The following VOPP1 variants were observed in gnomAD, a reference collection of about 807,000 sequenced individuals.
The protein encoded by VOPP1 is WW domain binding protein VOPP1.
VOPP1 carries 8 observed loss-of-function variants against 23.5 expected under a neutral mutation model. That is an observed-to-expected ratio of 0.34 (90% confidence interval 0.20 to 0.61). The LOEUF (loss-of-function observed/expected upper bound fraction) is 0.61. VOPP1 is among the 20% of genes least tolerant of loss of function. The pLI is 0.78. For missense variants in VOPP1, 174 were observed against 238.1 expected (o/e 0.73, Z 1.77); for synonymous variants, 83 against 97.3 (o/e 0.85, Z 0.86).
At position 55,494,748 on chromosome 7, in the gene VOPP1, T is replaced by C. The variant is rs543583803; in HGVS notation, c.192-2330A>G. ...CACCTTGGCCTCCCAAAGTGCACCA[T>C]TGTGCTAGGCCAAGAACTTATTTTA... is the stretch of plus-strand genomic sequence containing the variant. On this transcript the variant is annotated intron_variant, in intron 3 of 4. Coordinates refer to ENST00000285279, the MANE Select transcript of VOPP1 (RefSeq NM_030796.5). Among the ~76,000 whole-genome samples, 12 of 152,278 alleles carry C rather than the reference T, an allele frequency of 7.9e-5. No homozygotes were observed. The South Asian group carries it at 1.5e-3, about 18-fold the overall frequency.
intron 1 of VOPP1, chr7:55,521,766 G>A: frequency 1.0e-6 from 1 of 985,868 alleles, no homozygotes; most frequent in Non-Finnish European, 1.2e-6. Context: ...GGGTGGGTGA[G>A]TGCACACAGG....
chr7:55,438,613 G>A (rs937139026), intron 4 of VOPP1, among the ~76,000 whole-genome samples: 1 of 152,182 alleles, frequency 6.6e-6, no homozygotes, highest in African/African-American at 2.4e-5. Flanking sequence ...AAAGGCCCCG[G>A]GGAAGCACTT....
In VOPP1 at chr7:55,442,831, A is replaced by C. The variant is rs565382635; in HGVS notation, n.418-6657T>G. Among the ~76,000 whole-genome samples, 9 of 152,286 alleles carry C rather than the reference A, an allele frequency of 5.9e-5. No homozygotes were observed. The South Asian group carries it at 1.9e-3, about 32-fold the overall frequency. ...GACACGGTTTCTTTGGAAAATAAAA[A>C]GCAGGCCGGGTGCGGTGGCTCATGC... On this transcript the variant is annotated intron_variant and non_coding_transcript_variant, in intron 4 of 4. Coordinates refer to the VOPP1 transcript ENST00000462326.
At chr7:55,452,537 T>A (rs1791269341) in intron 4 of VOPP1, among the ~76,000 whole-genome samples, 1 of 152,236 alleles carries the variant, frequency 6.6e-6, no homozygotes, top group Admixed American at 6.5e-5. Flanking sequence ...GAGGAATCAC[T>A]ATCTATGACA....
chr7:55,544,724 T>A (rs1380295963), intron 1 of VOPP1, among the ~76,000 whole-genome samples: 1 of 152,082 alleles, frequency 6.6e-6, no homozygotes, highest in Non-Finnish European at 1.5e-5. Flanking sequence ...GAGAGCAGAG[T>A]TGGTGGAGAC....
chr7:55,497,834 T>C, intron 2 of VOPP1, 144 bp from the exon 3 acceptor site: 1 of 697,810 alleles, frequency 1.4e-6, no homozygotes, highest in Non-Finnish European at 2.5e-6. Flanking sequence ...CTCCACTGCA[T>C]TTCACAGAAC....
chr7:55,567,101 G>A (rs1034580200), intron 1 of VOPP1, among the ~76,000 whole-genome samples: 8 of 152,172 alleles, frequency 5.3e-5, no homozygotes, highest in Non-Finnish European at 8.8e-5. Flanking sequence ...CTGCCCTCCA[G>A]CCCCTGATCA....
At chr7:55,567,595 A>T (rs1798204763) in intron 1 of VOPP1, among the ~76,000 whole-genome samples, 1 of 152,192 alleles carries the variant, frequency 6.6e-6, no homozygotes, top group Non-Finnish European at 1.5e-5. Flanking sequence ...AAAGTAAAAG[A>T]AAGCAAAAAC....
intron 4 of VOPP1, among the ~76,000 whole-genome samples, chr7:55,461,503 C>G (rs1349762826): frequency 6.6e-6 from 1 of 152,170 alleles, no homozygotes; most frequent in East Asian, 1.9e-4. Context: ...CCTCTGCCTC[C>G]TGGGTCCTGG....
intron 4 of VOPP1, among the ~76,000 whole-genome samples, chr7:55,454,298 C>T (rs1414508905): frequency 6.6e-6 from 1 of 152,162 alleles, no homozygotes; most frequent in East Asian, 1.9e-4. Flanking sequence ...GAAACTGAGG[C>T]AGCAATTAAT....
chr7:55,475,215 C>T (rs1562897884), intron 4 of VOPP1, among the ~76,000 whole-genome samples: 1 of 152,170 alleles, frequency 6.6e-6, no homozygotes, highest in Non-Finnish European at 1.5e-5. Context: ...GAGAACACAG[C>T]TCGGTGAGGG....
chr7:55,537,039 T>C (rs1165667917), intron 1 of VOPP1, among the ~76,000 whole-genome samples: 1 of 152,148 alleles, frequency 6.6e-6, no homozygotes, highest in Non-Finnish European at 1.5e-5. Context: ...GGAAGGGGCT[T>C]TGGGGAGGGG....
At chr7:55,512,870 T>C (rs1218605209) in intron 2 of VOPP1, among the ~76,000 whole-genome samples, 1 of 152,240 alleles carries the variant, frequency 6.6e-6, no homozygotes, top group Non-Finnish European at 1.5e-5. Context: ...GGTGACCTTG[T>C]GTCCAGGGAG....
chr7:55,447,159 C>T (rs1791121191), intron 4 of VOPP1, among the ~76,000 whole-genome samples: 1 of 152,196 alleles, frequency 6.6e-6, no homozygotes, highest in South Asian at 2.1e-4. Context: ...GACTGGACAA[C>T]TGAAAATGAT....
intron 3 of VOPP1, among the ~76,000 whole-genome samples, chr7:55,496,904 G>T (rs905398062): frequency 6.6e-6 from 1 of 152,246 alleles, no homozygotes; most frequent in Non-Finnish European, 1.5e-5. Context: ...AGAAGAGCAG[G>T]TGGGTACAAG....
chr7:55,486,791 T>C (rs1793177503), intron 4 of VOPP1, among the ~76,000 whole-genome samples: 1 of 152,066 alleles, frequency 6.6e-6, no homozygotes, highest in African/African-American at 2.4e-5. Context: ...AGCAAAACCA[T>C]AAACTCAAAA....
chr7:55,542,548 G>A (rs1038278454), intron 1 of VOPP1, among the ~76,000 whole-genome samples: 3 of 152,202 alleles, frequency 2.0e-5, no homozygotes, highest in Admixed American at 6.5e-5. Flanking sequence ...CCAGCACTTT[G>A]GGAGGCCGAG....
chr7:55,535,400 TC>T (rs1392571041), intron 1 of VOPP1, among the ~76,000 whole-genome samples: 1 of 152,004 alleles, frequency 6.6e-6, no homozygotes, highest in African/African-American at 2.4e-5. Context: ...TGGGGCAGGC[TC>T]CCCCTGGAAA....
intron 1 of VOPP1, among the ~76,000 whole-genome samples, chr7:55,535,728 C>G (rs1321979826): frequency 6.6e-6 from 1 of 152,192 alleles, no homozygotes; most frequent in Non-Finnish European, 1.5e-5. Flanking sequence ...CTTCAGCTTA[C>G]AAGGAATCTT....
Sources: gnomAD v4.1 joint callset for allele counts (sites outside exome capture counted in the v4.1 genomes callset) on GRCh38, gnomAD v4.1.1 for gene constraint, MANE v1.5 for transcripts, NCBI Gene and HGNC (gene_info 2026-07-23, HGNC 2026-07-21) for gene names.